The following MAP4K3 variants were observed in gnomAD, a reference collection of about 807,000 sequenced individuals.
MAP4K3 encodes mitogen-activated protein kinase kinase kinase kinase 3.
A neutral mutation model predicts 143.5 loss-of-function variants in MAP4K3; 94 were observed. That is an observed-to-expected ratio of 0.65 (90% CI 0.55 to 0.78). MAP4K3 has a LOEUF of 0.78. MAP4K3 is among the 30% of genes least tolerant of loss of function. The pLI is 0.00. For synonymous variants in MAP4K3, 416 were observed against 347.2 expected, an observed-to-expected ratio of 1.20 and a Z score of -2.20; for missense variants, 1,077 against 1,068.1, an observed-to-expected ratio of 1.01 and a Z score of -0.12.
At chr2:39,380,190 T>C (rs556427214) in intron 1 of MAP4K3, among the ~76,000 whole-genome samples, 1 of 152,248 alleles carries the variant, frequency 6.6e-6, no homozygotes, top group South Asian at 2.1e-4. Flanking sequence ...TCTTCCAATA[T>C]GTAATTTATT....
chr2:39,390,874 C>T (rs951336231), intron 1 of MAP4K3, among the ~76,000 whole-genome samples: 7 of 152,110 alleles, frequency 4.6e-5, no homozygotes, highest in African/African-American at 1.7e-4. Flanking sequence ...GCCCTATAAA[C>T]ACGATGGGAA....
intron 3 of MAP4K3, among the ~76,000 whole-genome samples, chr2:39,355,390 G>C (rs1665583681): frequency 6.7e-6 from 1 of 149,464 alleles, no homozygotes; most frequent in African/African-American, 2.5e-5. Flanking sequence ...AAAAGGCTGG[G>C]CATGGTGGTA....
At chr2:39,405,040 C>T (rs1244178164) in intron 1 of MAP4K3, among the ~76,000 whole-genome samples, 1 of 152,242 alleles carries the variant, frequency 6.6e-6, no homozygotes, top group Non-Finnish European at 1.5e-5. Flanking sequence ...GCTTCACCAT[C>T]TGCTGATTAC....
rs1240935228 is a variant in MAP4K3 at position 39,258,557 on chromosome 2, G to A, written c.2339C>T (p.Thr780Ile). 1 of 1,613,704 alleles carries A rather than the reference G, an allele frequency of 6.2e-7. No individual in the cohort carries two copies. The highest frequency in any genetic ancestry group is 1.7e-5 in the Admixed American group (1 of 60,026). ...AAGGATGGTATCTCTCTCCAGTTGG[G>A]TTACATGAGTAACATTTGTCTGTGG... Reference protein sequence around the residue: ...DTPQTNVTHVTQLERDTILVC... With the variant: ...DTPQTNVTHVIQLERDTILVC... Residue 780 changes from threonine to isoleucine, a missense_variant, in exon 30 of 34, where the codon ACC becomes ATC. By Grantham distance (89) the Thr-to-Ile change is moderately conservative. Coordinates refer to ENST00000263881, the MANE Select transcript of MAP4K3 (RefSeq NM_003618.4).
intron 1 of MAP4K3, among the ~76,000 whole-genome samples, chr2:39,418,352 C>G (rs868670522): frequency 2.8e-4 from 42 of 152,146 alleles, no homozygotes; most frequent in African/African-American, 9.9e-4. Flanking sequence ...AATAAATATC[C>G]ATACATCCAT....
chr2:39,317,663 A>T (rs1227662223), intron 12 of MAP4K3, among the ~76,000 whole-genome samples: 1 of 152,304 alleles, frequency 6.6e-6, no homozygotes, highest in Middle Eastern at 3.4e-3. Flanking sequence ...ATGCTTGAAC[A>T]TCACTAATCA....
intron 1 of MAP4K3, among the ~76,000 whole-genome samples, chr2:39,411,432 T>C (rs1484644465): frequency 2.6e-5 from 4 of 152,208 alleles, no homozygotes; most frequent in Non-Finnish European, 1.5e-5. Flanking sequence ...TGGTGTATGG[T>C]TTCAGTGTCT....
In MAP4K3 at chr2:39,329,260, G is replaced by A. The variant is rs1208995934; in HGVS notation, c.530+2657C>T. On this transcript the variant is annotated intron_variant, in intron 8 of 33. Coordinates refer to ENST00000263881, the MANE Select transcript of MAP4K3 (RefSeq NM_003618.4). ...TTTACAATAAAACTGAGAAGACAGTGTACTTAAAAATGACAGCAATTCAAG... is the reference window on the plus strand; with the variant it reads ...TTTACAATAAAACTGAGAAGACAGTATACTTAAAAATGACAGCAATTCAAG... Among the ~76,000 whole-genome samples the A allele has an allele frequency of 2.6e-5, 4 of 152,146 alleles. No homozygotes were observed. In the East Asian group the frequency reaches 5.8e-4, roughly 22 times the overall value.
At chr2:39,415,980 A>AAATATATATATATATAT (rs1553318573) in intron 1 of MAP4K3, among the ~76,000 whole-genome samples, 1 of 14,758 alleles carries the variant, frequency 6.8e-5, no homozygotes. Context: ...AAAAAAAAAA[A>AAATATATATATATATAT]ATATATATAT....
intron 23 of MAP4K3, among the ~76,000 whole-genome samples, chr2:39,279,742 C>G (rs1194484222): frequency 1.3e-5 from 2 of 151,998 alleles, no homozygotes; most frequent in Admixed American, 6.6e-5. Flanking sequence ...GAGCCCAGGA[C>G]TTCGAGACCA....
At chr2:39,299,843 T>C (rs371949765) in intron 15 of MAP4K3, 42 bp from the exon 16 acceptor site, 8 of 939,414 alleles carry the variant, frequency 8.5e-6, no homozygotes, top group Non-Finnish European at 1.3e-5. Flanking sequence ...TAGTAGTATA[T>C]GACACACCAT....
intron 16 of MAP4K3, among the ~76,000 whole-genome samples, chr2:39,298,136 A>G (rs945711418): frequency 1.3e-5 from 2 of 152,188 alleles, no homozygotes; most frequent in African/African-American, 4.8e-5. Context: ...CCTTAAAATT[A>G]GGGACTTCAT....
chr2:39,355,286 G>C (rs537473014), intron 3 of MAP4K3, among the ~76,000 whole-genome samples: 3 of 148,306 alleles, frequency 2.0e-5, no homozygotes, highest in Non-Finnish European at 4.5e-5. Flanking sequence ...ACTTGAACCC[G>C]GGAGGTGGAA....
chr2:39,351,336 C>A (rs368900057), intron 3 of MAP4K3, among the ~76,000 whole-genome samples: 82 of 152,350 alleles, frequency 5.4e-4, no homozygotes, highest in African/African-American at 1.8e-3. Context: ...TTGGGAATTA[C>A]ATCATTCACA....
intron 12 of MAP4K3, among the ~76,000 whole-genome samples, chr2:39,316,505 T>G (rs1683116505): frequency 6.6e-6 from 1 of 152,068 alleles, no homozygotes; most frequent in South Asian, 2.1e-4. Context: ...CCAATTCAGA[T>G]GGTTGGATAT....
At chr2:39,298,610 C>T (rs959910179) in intron 16 of MAP4K3, among the ~76,000 whole-genome samples, 1 of 152,090 alleles carries the variant, frequency 6.6e-6, no homozygotes, top group Non-Finnish European at 1.5e-5. Flanking sequence ...TATTTCTCAA[C>T]TGCTTAACTT....
chr2:39,429,207 C>T (rs562440496), intron 1 of MAP4K3, among the ~76,000 whole-genome samples: 15 of 151,696 alleles, frequency 9.9e-5, no homozygotes, highest in Non-Finnish European at 1.0e-4. Context: ...ATAATTACTA[C>T]GCAATCCTGG....
chr2:39,260,540 A>G, intron 29 of MAP4K3, 66 bp downstream of exon 29: 1 of 1,346,382 alleles, frequency 7.4e-7, no homozygotes, highest in Non-Finnish European at 1.0e-6. Context: ...TAAGAGATAC[A>G]GTAAACTTAC....
At chr2:39,316,606 T>A (rs577803249) in intron 12 of MAP4K3, among the ~76,000 whole-genome samples, 1 of 152,264 alleles carries the variant, frequency 6.6e-6, no homozygotes, top group Admixed American at 6.5e-5. Flanking sequence ...CCACAAGATT[T>A]TGTTAAATGA....
Sources: gnomAD v4.1 joint callset for allele counts (sites outside exome capture counted in the v4.1 genomes callset) on GRCh38, gnomAD v4.1.1 for gene constraint, MANE v1.5 for transcripts, NCBI Gene and HGNC (gene_info 2026-07-23, HGNC 2026-07-21) for gene names.